The following CCDC63 variants were observed in gnomAD, a reference collection of about 807,000 sequenced individuals.
The protein encoded by CCDC63 is coiled-coil domain containing 63.
Under a neutral mutation model 63.6 loss-of-function variants are expected in CCDC63, and 54 were observed. That is an observed-to-expected ratio of 0.85 (90% CI 0.68 to 1.07). The LOEUF (loss-of-function observed/expected upper bound fraction) is 1.07. Ranked by LOEUF, CCDC63 falls within the 50% of genes least tolerant of loss-of-function variation. CCDC63 has a pLI of 0.00. For synonymous variants in CCDC63, 253 were observed against 266.1 expected (o/e 0.95, Z 0.48); for missense variants, 637 against 689.6 (o/e 0.92, Z 0.86).
intron 8 of CCDC63, among the ~76,000 whole-genome samples, chr12:110,884,852 A>AT (rs34391026): frequency 0.21 from 27,553 of 130,446 alleles, 3,026 homozygotes; most frequent in African/African-American, 0.25. Context: ...ACGCCCTGCT[A>AT]TTTTTTTTTT....
In CCDC63 at chr12:110,881,261, G is replaced by A. The variant is rs761590144; in HGVS notation, c.818G>A (p.Arg273His). The change falls in exon 7 of 12, where the codon CGC becomes CAC. Residue 273 changes from arginine (R) to histidine (H), a missense_variant. Physicochemically the swap from Arg to His is conservative, Grantham distance 29. Coordinates refer to ENST00000308208, the MANE Select transcript of CCDC63 (RefSeq NM_152591.3). ...KSFLLVKLND[R>H]NEFEEQAKRE... Reference sequence around the variant, plus strand: ...TTCCTGCTCGTCAAGCTGAATGATCGCAATGAATTCGAGGAGCAGGCCAAA... The same window carrying A: ...TTCCTGCTCGTCAAGCTGAATGATCACAATGAATTCGAGGAGCAGGCCAAA... 20 of 1,613,598 alleles carry A rather than the reference G, an allele frequency of 1.2e-5. No homozygotes were observed. The highest frequency in any genetic ancestry group is 8.0e-5 in the African/African-American group (6 of 75,008).
chr12:110,854,841 C>G (rs2070751333), intron 3 of CCDC63, among the ~76,000 whole-genome samples: 1 of 152,070 alleles, frequency 6.6e-6, no homozygotes, highest in Non-Finnish European at 1.5e-5. Flanking sequence ...CTCTGTAACC[C>G]AGGCTGGAGT....
chr12:110,868,068 C>T (rs1162647065), intron 4 of CCDC63, among the ~76,000 whole-genome samples: 1 of 149,522 alleles, frequency 6.7e-6, no homozygotes. Flanking sequence ...CTCGGCCGGG[C>T]AGAGGTGCTC....
chr12:110,853,644 G>A (rs1045423413), intron 3 of CCDC63, 70 bp downstream of exon 3: 1 of 1,579,764 alleles, frequency 6.3e-7, no homozygotes, highest in Non-Finnish European at 8.7e-7. Context: ...CATGTTGCTT[G>A]TCTTCTGTTC....
chr12:110,873,974 T>C lies in CCDC63; in HGVS notation c.489+13T>C. 2.5e-6 allele frequency: 4 copies of C among 1,606,388 alleles called. No homozygotes were observed. Among genetic ancestry groups the C allele is most frequent in the South Asian group, 1.1e-5 (1 of 90,230 alleles). ...CCGTTTGAATCTCGTATGTAAAGTG[T>C]TCTCTGCAGCTCTGCAAACAGCTCT... On this transcript the variant is annotated intron_variant, in intron 5 of 11. Transcript: ENST00000308208.
intron 1 of CCDC63, among the ~76,000 whole-genome samples, chr12:110,850,553 C>A (rs2070693338): frequency 6.6e-6 from 1 of 152,302 alleles, no homozygotes; most frequent in Non-Finnish European, 1.5e-5. Context: ...ACCAGCCTGA[C>A]CAAAATGGTG....
intron 4 of CCDC63, among the ~76,000 whole-genome samples, chr12:110,867,371 C>G (rs1421769448): frequency 7.9e-6 from 1 of 126,590 alleles, no homozygotes; most frequent in Non-Finnish European, 1.7e-5. Context: ...CACCTCCCTC[C>G]CGGACAGGGC....
At chr12:110,853,315 C>G in intron 2 of CCDC63, 90 bp from the exon 3 acceptor site, 3 of 1,309,764 alleles carry the variant, frequency 2.3e-6, no homozygotes, top group Non-Finnish European at 3.1e-6. Context: ...GGCCCAGCCA[C>G]CCCCACTGCC....
At chr12:110,890,992 A>G (rs1342834566) in intron 8 of CCDC63, among the ~76,000 whole-genome samples, 1 of 151,872 alleles carries the variant, frequency 6.6e-6, no homozygotes, top group Non-Finnish European at 1.5e-5. Context: ...TTGCCCAGGC[A>G]GGTCTCAAAC....
At chr12:110,853,315 C>A (rs557295526) in intron 2 of CCDC63, 90 bp from the exon 3 acceptor site, 4 of 1,309,644 alleles carry the variant, frequency 3.1e-6, no homozygotes, top group Non-Finnish European at 4.2e-6. Flanking sequence ...GGCCCAGCCA[C>A]CCCCACTGCC....
At chr12:110,867,019 G>T (rs1294865569) in intron 4 of CCDC63, among the ~76,000 whole-genome samples, 1 of 120,138 alleles carries the variant, frequency 8.3e-6, no homozygotes, top group Non-Finnish European at 1.8e-5. Context: ...CCTCCCTCCC[G>T]GACGGGGCGG....
intron 4 of CCDC63, among the ~76,000 whole-genome samples, chr12:110,867,000 ACCCCCCCACCTCCCTCCCGGACGGGGCG>A (rs1566121576): frequency 2.6e-4 from 23 of 89,824 alleles, no homozygotes; most frequent in African/African-American, 1.0e-3. Flanking sequence ...CGGGGGGCTG[ACCCCCCCACCTCCCTCCCGGACGGGGCG>A]GCTGGCCGGG....
At position 110,904,591 on chromosome 12, in the gene CCDC63, T is replaced by C; in HGVS notation, c.1346T>C (p.Ile449Thr). The C allele has an allele frequency of 1.2e-6, 2 of 1,613,896 alleles. No individual in the cohort carries two copies. Among genetic ancestry groups the C allele is most frequent in the Non-Finnish European group, 1.7e-6 (2 of 1,179,916 alleles). Reference sequence around the variant, plus strand: ...GGTCCTGCTTCTTGTTCTCCAGCCATCATTGAAAAGAAGACCAACGACCTG... The same window carrying C: ...GGTCCTGCTTCTTGTTCTCCAGCCACCATTGAAAAGAAGACCAACGACCTG... ...TDINLPQYFAIIEKKTNDLLL... is the reference protein window; with the variant it reads ...TDINLPQYFATIEKKTNDLLL... The change falls in exon 11 of 12, where the codon ATC becomes ACC. Residue 449 changes from isoleucine to threonine, a missense_variant. Coordinates refer to ENST00000308208, the MANE Select transcript of CCDC63 (RefSeq NM_152591.3).
chr12:110,855,522 A>G (rs11836154), intron 3 of CCDC63, among the ~76,000 whole-genome samples: 16,424 of 152,184 alleles, frequency 0.11, 1,232 homozygotes, highest in African/African-American at 0.22. Flanking sequence ...ATCTGGTTTC[A>G]CTTTGATGGA....
intron 8 of CCDC63, 40 bp from the exon 9 acceptor site, chr12:110,893,036 G>C: frequency 6.5e-7 from 1 of 1,540,994 alleles, no homozygotes; most frequent in Non-Finnish European, 9.0e-7. Flanking sequence ...GGGGAGGGAA[G>C]AGCCCACTTT....
intron 5 of CCDC63, 53 bp downstream of exon 5, chr12:110,874,014 A>G (rs199976860): frequency 2.6e-6 from 4 of 1,565,800 alleles, no homozygotes; most frequent in Non-Finnish European, 3.5e-6. Flanking sequence ...ACGTTTGCTC[A>G]GAACAAAAAT....
chr12:110,873,702 T>C (rs749271449), intron 4 of CCDC63, 140 bp from the exon 5 acceptor site: 312 of 1,077,200 alleles, frequency 2.9e-4, no homozygotes, highest in Non-Finnish European at 3.9e-4. Flanking sequence ...AGTTTTTGTC[T>C]GAGCACACTT....
chr12:110,866,201 C>T (rs535091458), intron 4 of CCDC63, among the ~76,000 whole-genome samples: 127 of 152,170 alleles, frequency 8.3e-4, no homozygotes, highest in African/African-American at 3.0e-3. Flanking sequence ...TTGTCTTGAA[C>T]GTCTGACCTC....
At chr12:110,861,105 T>G (rs2070847755) in intron 4 of CCDC63, among the ~76,000 whole-genome samples, 1 of 151,830 alleles carries the variant, frequency 6.6e-6, no homozygotes, top group Non-Finnish European at 1.5e-5. Flanking sequence ...TCTCATGAGA[T>G]TTCACTATCG....
Sources: allele counts gnomAD v4.1 joint callset (sites outside exome capture counted in the v4.1 genomes callset), GRCh38; gene constraint gnomAD v4.1.1; transcripts MANE v1.5; gene names NCBI Gene and HGNC (gene_info 2026-07-23, HGNC 2026-07-21).